ALK: variants seen among roughly 807,000 people sequenced by gnomAD.
The protein encoded by ALK is ALK receptor tyrosine kinase, also known as ALK tyrosine kinase receptor.
A neutral mutation model predicts 163.1 loss-of-function variants in ALK; 74 were observed. The observed-to-expected ratio is 0.45, with a 90% CI of 0.38 to 0.55. ALK has a LOEUF of 0.55. Among genes scored for constraint, ALK ranks in the 20% least tolerant of loss-of-function variants. The pLI, the probability that ALK is intolerant of heterozygous loss-of-function variation, is 0.00. For synonymous variants in ALK, 960 were observed against 843.2 expected (o/e 1.14, Z -2.40); for missense variants, 2,063 against 2,105.3 (o/e 0.98, Z 0.39).
At chr2:29,367,045 G>A (rs892353812) in intron 5 of ALK, among the ~76,000 whole-genome samples, 8 of 151,686 alleles carry the variant, frequency 5.3e-5, no homozygotes, top group Admixed American at 6.6e-5. Flanking sequence ...AGCTTGGGCC[G>A]TCCTCTTTTT....
At chr2:29,391,148 ATGT>A (rs1450709269) in intron 4 of ALK, among the ~76,000 whole-genome samples, 12 of 151,990 alleles carry the variant, frequency 7.9e-5, no homozygotes, top group Non-Finnish European at 2.9e-5. Flanking sequence ...TTCATCAGAG[ATGT>A]TATGTGGGTG....
chr2:29,774,208 C>A (rs75793692), intron 1 of ALK, among the ~76,000 whole-genome samples: 5 of 152,298 alleles, frequency 3.3e-5, no homozygotes, highest in South Asian at 4.2e-4. Flanking sequence ...TTCTCTCCCC[C>A]CTGTTGCTTT....
intron 4 of ALK, among the ~76,000 whole-genome samples, chr2:29,426,150 A>G (rs898741312): frequency 6.4e-4 from 97 of 152,218 alleles, no homozygotes; most frequent in African/African-American, 2.3e-3. Flanking sequence ...TCAGGGAAAT[A>G]AACAGTCAAA....
chr2:29,907,997 G>T (rs190700735), intron 1 of ALK, among the ~76,000 whole-genome samples: 6 of 152,204 alleles, frequency 3.9e-5, no homozygotes, highest in Admixed American at 2.6e-4. Context: ...TATTGGCCCA[G>T]CTCTGACTCT....
At chr2:29,862,952 TA>T (rs2148407707) in intron 1 of ALK, among the ~76,000 whole-genome samples, 1 of 152,144 alleles carries the variant, frequency 6.6e-6, no homozygotes, top group Non-Finnish European at 1.5e-5. Flanking sequence ...AGCCCAGAAA[TA>T]AATCCACACA....
At chr2:29,242,033 A>C (rs1034761158) in intron 12 of ALK, among the ~76,000 whole-genome samples, 1 of 152,202 alleles carries the variant, frequency 6.6e-6, no homozygotes, top group African/African-American at 2.4e-5. Flanking sequence ...CTCCTGATCC[A>C]TGAGAAATGG....
chr2:29,619,709 G>T (rs1675972456), intron 3 of ALK, among the ~76,000 whole-genome samples: 1 of 152,148 alleles, frequency 6.6e-6, no homozygotes. Context: ...ATGCCTCCTT[G>T]ACAAAGAGAC....
intron 4 of ALK, among the ~76,000 whole-genome samples, chr2:29,453,156 A>C (rs796763440): frequency 7.2e-5 from 11 of 152,292 alleles, no homozygotes; most frequent in African/African-American, 2.4e-4. Context: ...TGTTGGCATA[A>C]GGTGAAGTTA....
At chr2:29,747,834 A>T (rs1241184953) in intron 1 of ALK, among the ~76,000 whole-genome samples, 2 of 152,200 alleles carry the variant, frequency 1.3e-5, no homozygotes, top group Non-Finnish European at 1.5e-5. Flanking sequence ...AGAGCCTGTC[A>T]TGGCACACAT....
At chr2:29,696,987 G>C (rs1380417240) in intron 2 of ALK, among the ~76,000 whole-genome samples, 2 of 151,528 alleles carry the variant, frequency 1.3e-5, no homozygotes, top group Admixed American at 1.3e-4. Context: ...TGGGTTGATA[G>C]GTGCAGCAAA....
intron 3 of ALK, among the ~76,000 whole-genome samples, chr2:29,619,179 G>A (rs1287026283): frequency 6.6e-6 from 1 of 152,216 alleles, no homozygotes; most frequent in Non-Finnish European, 1.5e-5. Context: ...TCACAAGGGT[G>A]ATCTGTGACA....
At chr2:29,709,330 A>G (rs61693938) in intron 2 of ALK, among the ~76,000 whole-genome samples, 90 of 152,324 alleles carry the variant, frequency 5.9e-4, no homozygotes, top group African/African-American at 2.0e-3. Flanking sequence ...GCTGGTGGGA[A>G]TGTCCCTGCC....
intron 1 of ALK, among the ~76,000 whole-genome samples, chr2:29,774,145 A>G (rs1380848852): frequency 1.3e-5 from 2 of 152,186 alleles, no homozygotes. Flanking sequence ...GCTATTTACA[A>G]ACAGGATGCT....
intron 1 of ALK, among the ~76,000 whole-genome samples, chr2:29,780,311 T>A (rs1463538492): frequency 6.6e-6 from 1 of 152,178 alleles, no homozygotes; most frequent in Admixed American, 6.5e-5. Context: ...ATTTTGTCTC[T>A]AAGGGAGCCC....
chr2:29,492,285 G>A (rs1297647547), intron 4 of ALK, among the ~76,000 whole-genome samples: 3 of 152,062 alleles, frequency 2.0e-5, no homozygotes, highest in Non-Finnish European at 4.4e-5. Context: ...CATCAACATT[G>A]TCATCAATGT....
At position 29,228,809 on chromosome 2, in the gene ALK, A is replaced by AGGGCG. The variant is rs141563891; in HGVS notation, c.2815+74_2815+75insCGCCC. The AGGGCG allele has an allele frequency of 0.075, 71,517 of 957,142 alleles. 3,260 individuals are homozygous for AGGGCG. The highest frequency in any genetic ancestry group is 0.15 in the African/African-American group (9,212 of 60,460). The allele number at this position is 957,142 out of a possible 1,614,324, so 59.3% of individuals were successfully genotyped here. The stretch of plus-strand genomic sequence containing the variant: ...TGGGCAGGCCAGGGGAGGGCAGGGG[A>AGGGCG]GGGCAGGGCAGGGAGGTGAGGAGCC... On this transcript the variant is annotated intron_variant, in intron 16 of 28. Transcript: ENST00000389048.
intron 4 of ALK, among the ~76,000 whole-genome samples, chr2:29,403,709 C>CAAAAAAA (rs67270103): frequency 6.7e-5 from 5 of 74,184 alleles, no homozygotes; most frequent in African/African-American, 1.2e-4. Flanking sequence ...CAGGTCTCTA[C>CAAAAAAA]AAAAAAAAAA....
At chr2:29,516,498 G>A (rs1002113323) in intron 4 of ALK, among the ~76,000 whole-genome samples, 1 of 152,114 alleles carries the variant, frequency 6.6e-6, no homozygotes, top group African/African-American at 2.4e-5. Context: ...CTCTTCTCAC[G>A]GGTACTTTTC....
intron 3 of ALK, among the ~76,000 whole-genome samples, chr2:29,590,859 C>G (rs887987682): frequency 6.6e-6 from 1 of 151,732 alleles, no homozygotes; most frequent in African/African-American, 2.4e-5. Context: ...ATCACGAGGT[C>G]AGGAGATCGA....
Sources: gnomAD v4.1 joint callset for allele counts (sites outside exome capture counted in the v4.1 genomes callset) on GRCh38, gnomAD v4.1.1 for gene constraint, MANE v1.5 for transcripts, NCBI Gene and HGNC (gene_info 2026-07-23, HGNC 2026-07-21) for gene names.